Variants in CDK14 observed in about 807,000 individuals in gnomAD.
CDK14 encodes the protein cyclin-dependent kinase 14.
In CDK14, 34 loss-of-function variants were observed where a neutral mutation model predicts 60.7. That is an observed-to-expected ratio of 0.56 (90% CI 0.43 to 0.75). The LOEUF is 0.75. CDK14 is among the 30% of genes least tolerant of loss of function. CDK14 has a pLI of 0.00. For synonymous variants in CDK14, 197 were observed against 203.7 expected (o/e 0.97, Z 0.28); for missense variants, 482 against 564.1 (o/e 0.85, Z 1.47).
intron 6 of CDK14, among the ~76,000 whole-genome samples, chr7:90,881,061 A>G (rs1433931465): frequency 1.3e-5 from 2 of 152,226 alleles, no homozygotes; most frequent in Non-Finnish European, 2.9e-5. Flanking sequence ...ATGTCTCTCC[A>G]TCAAGGACAA....
intron 14 of CDK14, among the ~76,000 whole-genome samples, chr7:91,125,276 A>G (rs902929513): frequency 5.3e-5 from 8 of 152,170 alleles, no homozygotes; most frequent in Admixed American, 5.2e-4. Flanking sequence ...GACAAGAGCC[A>G]GGGTTTCATG....
intron 14 of CDK14, among the ~76,000 whole-genome samples, chr7:91,176,291 C>G (rs958555521): frequency 2.0e-5 from 3 of 152,200 alleles, no homozygotes; most frequent in Non-Finnish European, 4.4e-5. Flanking sequence ...ACCAGAATCT[C>G]TGGGACGCAT....
At chr7:91,149,498 A>T (rs1165178756) in intron 14 of CDK14, among the ~76,000 whole-genome samples, 1 of 152,204 alleles carries the variant, frequency 6.6e-6, no homozygotes, top group African/African-American at 2.4e-5. Context: ...CTCTCTGTTA[A>T]CATGTAGCTA....
chr7:90,761,241 G>A (rs1208223613), intron 4 of CDK14, among the ~76,000 whole-genome samples: 2 of 151,926 alleles, frequency 1.3e-5, no homozygotes, highest in African/African-American at 4.8e-5. Context: ...GACAGGAGAC[G>A]CTCAATACAA....
intron 8 of CDK14, among the ~76,000 whole-genome samples, chr7:90,937,479 A>G (rs964282459): frequency 3.3e-5 from 5 of 152,212 alleles, no homozygotes; most frequent in South Asian, 2.1e-4. Flanking sequence ...CTGGTTTCCT[A>G]TAGCAGTCAA....
chr7:91,132,142 G>A (rs2116428186), intron 14 of CDK14, among the ~76,000 whole-genome samples: 1 of 152,222 alleles, frequency 6.6e-6, no homozygotes, highest in Admixed American at 6.5e-5. Flanking sequence ...ATGATGACGG[G>A]TACAGCAGAA....
intron 2 of CDK14, among the ~76,000 whole-genome samples, chr7:90,701,833 A>G (rs1459168478): frequency 6.6e-6 from 1 of 152,222 alleles, no homozygotes; most frequent in African/African-American, 2.4e-5. Context: ...TGCTATCTCC[A>G]TGTTATCAGT....
intron 2 of CDK14, among the ~76,000 whole-genome samples, chr7:90,725,568 T>G (rs2116706348): frequency 6.6e-6 from 1 of 152,298 alleles, no homozygotes; most frequent in African/African-American, 2.4e-5. Flanking sequence ...TATCTTCGGT[T>G]TTTCTGCTTT....
At chr7:90,902,324 T>C (rs1372648752) in intron 7 of CDK14, among the ~76,000 whole-genome samples, 2 of 152,038 alleles carry the variant, frequency 1.3e-5, no homozygotes, top group Non-Finnish European at 2.9e-5. Flanking sequence ...GGATACTTCA[T>C]ACTACGTGAC....
chr7:91,130,706 A>G (rs915354881), intron 14 of CDK14, among the ~76,000 whole-genome samples: 3 of 152,268 alleles, frequency 2.0e-5, no homozygotes, highest in East Asian at 1.9e-4. Context: ...GAAAATTACA[A>G]TAGAGCATCA....
At chr7:91,018,211 C>T (rs1235158380) in intron 10 of CDK14, among the ~76,000 whole-genome samples, 1 of 152,130 alleles carries the variant, frequency 6.6e-6, no homozygotes, top group African/African-American at 2.4e-5. Context: ...GGTGTGAGCT[C>T]CCCATTCTTC....
chr7:91,134,772 G>A (rs1800220078), intron 14 of CDK14, among the ~76,000 whole-genome samples: 1 of 151,982 alleles, frequency 6.6e-6, no homozygotes, highest in South Asian at 2.1e-4. Context: ...TGACTCGGGA[G>A]GCTGAGGCAG....
chr7:90,653,987 G>A (rs1800702279), intron 2 of CDK14, among the ~76,000 whole-genome samples: 1 of 152,204 alleles, frequency 6.6e-6, no homozygotes, highest in Non-Finnish European at 1.5e-5. Context: ...TCCCTACAAA[G>A]GACATGAACT....
rs1042834004 is a variant in CDK14, at chr7:90,636,018, C to T, written c.123+31769C>T. ...AGACTTTGCTGAAGTTGCTTATCAG[C>T]TTAAGGAGATTTTGGGCTGAGACAA... On this transcript the variant is annotated intron_variant, in intron 2 of 14. Transcript: ENST00000380050. Among the ~76,000 whole-genome samples, 32 of 151,520 alleles carry T rather than the reference C, an allele frequency of 2.1e-4. 2 individuals carry two copies. The highest frequency in any genetic ancestry group is 6.6e-4 in the African/African-American group (27 of 41,024).
intron 12 of CDK14, among the ~76,000 whole-genome samples, chr7:91,103,844 A>AAGAG (rs35892260): frequency 4.1e-4 from 59 of 144,910 alleles, no homozygotes; most frequent in East Asian, 3.4e-3. Context: ...GAGAGAGAGA[A>AAGAG]AGAGAGAGAG....
At chr7:90,939,038 T>G (rs1449598244) in intron 8 of CDK14, among the ~76,000 whole-genome samples, 5 of 152,224 alleles carry the variant, frequency 3.3e-5, no homozygotes, top group African/African-American at 1.2e-4. Context: ...TGGTTTCCCC[T>G]TTTTGCTCCT....
At chr7:91,072,229 C>T (rs745815480) in intron 11 of CDK14, among the ~76,000 whole-genome samples, 3 of 152,136 alleles carry the variant, frequency 2.0e-5, no homozygotes, top group Admixed American at 1.3e-4. Flanking sequence ...ACCCTCTTAA[C>T]GGGTTGTCAG....
At chr7:90,832,107 T>C (rs1177922145) in intron 5 of CDK14, among the ~76,000 whole-genome samples, 1 of 152,132 alleles carries the variant, frequency 6.6e-6, no homozygotes, top group Admixed American at 6.6e-5. Context: ...CCTCCATACA[T>C]CCTACCCTAG....
At chr7:90,747,208 A>G (rs754657918) in intron 3 of CDK14, among the ~76,000 whole-genome samples, 1 of 152,236 alleles carries the variant, frequency 6.6e-6, no homozygotes, top group Non-Finnish European at 1.5e-5. Context: ...GGTAAAAACT[A>G]TTCTAAACTT....
Sources: allele counts gnomAD v4.1 joint callset (sites outside exome capture counted in the v4.1 genomes callset), GRCh38; gene constraint gnomAD v4.1.1; transcripts MANE v1.5; gene names NCBI Gene and HGNC (gene_info 2026-07-23, HGNC 2026-07-21).